USH2A: variants seen among roughly 807,000 people sequenced by gnomAD.
USH2A encodes the protein usherin.
Under a neutral mutation model 538.9 loss-of-function variants are expected in USH2A, and 443 were observed. The ratio of observed to expected loss-of-function variants is 0.82; its 90% CI spans 0.76 to 0.89. USH2A has a LOEUF of 0.89. Among genes scored for constraint, USH2A ranks in the 40% least tolerant of loss-of-function variants. The pLI is 0.00. For missense variants in USH2A, 6,633 were observed against 6,324.8 expected (o/e 1.05, Z -1.65); for synonymous variants, 2,413 against 2,273.5 (o/e 1.06, Z -1.75).
At chr1:216,126,224 T>TTG (rs1473384119) in intron 21 of USH2A, among the ~76,000 whole-genome samples, 1 of 70,716 alleles carries the variant, frequency 1.4e-5, no homozygotes, top group Non-Finnish European at 3.3e-5. Flanking sequence ...TTGTTGTTGT[T>TTG]TTGTTTTTGT....
intron 38 of USH2A, among the ~76,000 whole-genome samples, chr1:215,906,195 A>G (rs2102474787): frequency 6.6e-6 from 1 of 152,230 alleles, no homozygotes; most frequent in African/African-American, 2.4e-5. Flanking sequence ...GCACAAACAG[A>G]GCAGCATTAA....
At chr1:216,084,194 T>C (rs111249991) in intron 25 of USH2A, among the ~76,000 whole-genome samples, 197 of 152,046 alleles carry the variant, frequency 1.3e-3, no homozygotes, top group African/African-American at 4.6e-3. Flanking sequence ...TCCCCTTTCA[T>C]TGTAGCCTTT....
chr1:216,210,978 A>AAAC (rs1009722908), intron 15 of USH2A, among the ~76,000 whole-genome samples: 7 of 150,880 alleles, frequency 4.6e-5, no homozygotes, highest in Non-Finnish European at 1.0e-4. Flanking sequence ...ACTCTGTCTA[A>AAAC]AACAACAACA....
chr1:216,292,599 T>C (rs2037023727), intron 9 of USH2A, among the ~76,000 whole-genome samples: 1 of 152,188 alleles, frequency 6.6e-6, no homozygotes, highest in African/African-American at 2.4e-5. Flanking sequence ...AAATGATCTT[T>C]TTTTTTCTTA....
At position 216,196,636 on chromosome 1, in the gene USH2A, T is replaced by C; in HGVS notation, c.4168A>G (p.Thr1390Ala). 1 of 1,613,610 alleles carries C rather than the reference T, an allele frequency of 6.2e-7. No homozygotes were observed. Among genetic ancestry groups the C allele is most frequent in the Non-Finnish European group, 8.5e-7 (1 of 1,179,716 alleles). ...TCATACCCCACAACTTTTCCTCTTG[T>C]AACATTATCTGCTGGCTTCTCCCAG... is the stretch of plus-strand genomic sequence containing the variant. ...ISWEKPADNVTRGKVVGYDIN... is the reference protein window; with the variant it reads ...ISWEKPADNVARGKVVGYDIN... The change falls in exon 19 of 72, where the codon ACA becomes GCA. Residue 1390 changes from threonine (T) to alanine (A), a missense_variant. Thr to Ala is a moderately conservative substitution (Grantham distance 58). Coordinates refer to ENST00000307340, the MANE Select transcript of USH2A (RefSeq NM_206933.4).
chr1:216,177,787 AT>A (rs952385852), intron 20 of USH2A, among the ~76,000 whole-genome samples: 40 of 151,374 alleles, frequency 2.6e-4, no homozygotes, highest in Admixed American at 5.9e-4. Context: ...TTTTGGTTTG[AT>A]TTTTTTTTCC....
intron 37 of USH2A, among the ~76,000 whole-genome samples, chr1:215,938,838 T>A (rs1224198011): frequency 6.6e-6 from 1 of 152,096 alleles, no homozygotes; most frequent in Non-Finnish European, 1.5e-5. Flanking sequence ...AATACCAATA[T>A]TCCAGGCACA....
chr1:215,903,109 G>T (rs1665545833), intron 38 of USH2A, among the ~76,000 whole-genome samples: 1 of 152,070 alleles, frequency 6.6e-6, no homozygotes, highest in South Asian at 2.1e-4. Context: ...CTGAGAAGGT[G>T]CAGACTGGAA....
chr1:215,939,598 A>T (rs918461620), intron 37 of USH2A, among the ~76,000 whole-genome samples: 15 of 152,144 alleles, frequency 9.9e-5, no homozygotes, highest in Non-Finnish European at 1.8e-4. Context: ...AGGAAAAAAC[A>T]GCATAAATGG....
At chr1:215,766,486 T>C (rs186844329) in intron 56 of USH2A, among the ~76,000 whole-genome samples, 195 bp downstream of exon 56, 2 of 152,300 alleles carry the variant, frequency 1.3e-5, no homozygotes, top group East Asian at 1.9e-4. Context: ...GGTTAAAGAA[T>C]TGAAAGCGAA....
intron 16 of USH2A, 103 bp from the exon 17 acceptor site, chr1:216,200,224 A>G: frequency 8.4e-7 from 1 of 1,187,368 alleles, no homozygotes; most frequent in East Asian, 2.5e-5. Flanking sequence ...CATAAACTAT[A>G]CCAATCTACT....
chr1:216,020,654 A>G (rs1454614350), intron 32 of USH2A, among the ~76,000 whole-genome samples: 1 of 152,178 alleles, frequency 6.6e-6, no homozygotes, highest in Non-Finnish European at 1.5e-5. Flanking sequence ...AGAAAGACCA[A>G]ACCTTGATTA....
intron 36 of USH2A, among the ~76,000 whole-genome samples, chr1:215,967,784 AC>A (rs1667389367): frequency 6.6e-6 from 1 of 151,804 alleles, no homozygotes; most frequent in Non-Finnish European, 1.5e-5. Flanking sequence ...ATGTGTTTGT[AC>A]ATGTGTATTT....
At chr1:216,259,046 G>T (rs1221455553) in intron 11 of USH2A, among the ~76,000 whole-genome samples, 4 of 152,008 alleles carry the variant, frequency 2.6e-5, no homozygotes, top group Non-Finnish European at 5.9e-5. Flanking sequence ...CAGGGAAATG[G>T]AAAACCATGG....
At chr1:216,010,415 T>C (rs1050978258) in intron 32 of USH2A, among the ~76,000 whole-genome samples, 10 of 151,988 alleles carry the variant, frequency 6.6e-5, no homozygotes, top group African/African-American at 1.7e-4. Flanking sequence ...CCAGAGCCCC[T>C]GGAACTCTGG....
chr1:215,784,908 T>C (rs1661751016), intron 52 of USH2A, among the ~76,000 whole-genome samples: 1 of 152,182 alleles, frequency 6.6e-6, no homozygotes, highest in Admixed American at 6.6e-5. Flanking sequence ...AATCTTGATC[T>C]TGATTACAAG....
At chr1:215,834,441 A>G (rs1663417548) in intron 47 of USH2A, among the ~76,000 whole-genome samples, 1 of 152,220 alleles carries the variant, frequency 6.6e-6, no homozygotes, top group Non-Finnish European at 1.5e-5. Flanking sequence ...AGCCATTTGA[A>G]TGGCTACATA....
At chr1:215,677,753 G>C (rs1373058846) in intron 62 of USH2A, among the ~76,000 whole-genome samples, 1 of 152,080 alleles carries the variant, frequency 6.6e-6, no homozygotes, top group Non-Finnish European at 1.5e-5. Flanking sequence ...ATGCCTCAGG[G>C]CTTGATCCCA....
intron 32 of USH2A, among the ~76,000 whole-genome samples, chr1:216,042,254 G>A (rs1212411496): frequency 6.6e-6 from 1 of 151,946 alleles, no homozygotes; most frequent in African/African-American, 2.4e-5. Context: ...GTAGTAGAAG[G>A]AATTCCATCA....
Sources: gnomAD v4.1 joint callset for allele counts (sites outside exome capture counted in the v4.1 genomes callset) on GRCh38, gnomAD v4.1.1 for gene constraint, MANE v1.5 for transcripts, NCBI Gene and HGNC (gene_info 2026-07-23, HGNC 2026-07-21) for gene names.